Variants in TNKS observed in about 807,000 individuals in gnomAD.
TNKS encodes tankyrase, also known as poly [ADP-ribose] polymerase tankyrase-1.
In TNKS, 72 loss-of-function variants were observed where a neutral mutation model predicts 135.8. That is an observed-to-expected ratio of 0.53 (90% CI 0.44 to 0.64). The LOEUF is 0.64. TNKS is among the 30% of genes least tolerant of loss of function. TNKS has a pLI of 0.00. For missense variants in TNKS, 1,769 were observed against 1,674.0 expected, an observed-to-expected ratio of 1.06 and a Z score of -0.99; for synonymous variants, 849 against 649.3, an observed-to-expected ratio of 1.31 and a Z score of -4.68.
intron 2 of TNKS, among the ~76,000 whole-genome samples, chr8:9,598,804 TATA>T (rs1354002150): frequency 8.7e-6 from 1 of 115,334 alleles, no homozygotes; most frequent in Admixed American, 8.9e-5. Context: ...TATATATATA[TATA>T]TATATATATA....
chr8:9,751,418 T>C (rs1416627135), intron 18 of TNKS, among the ~76,000 whole-genome samples, 191 bp from the exon 19 acceptor site: 3 of 152,178 alleles, frequency 2.0e-5, no homozygotes, highest in Non-Finnish European at 4.4e-5. Flanking sequence ...ACATAGTTTC[T>C]CCAATTCTGT....
chr8:9,759,799 C>G (rs985054485), intron 20 of TNKS, among the ~76,000 whole-genome samples: 3 of 151,874 alleles, frequency 2.0e-5, no homozygotes, highest in African/African-American at 2.4e-5. Flanking sequence ...ACGGTGAAAC[C>G]CCATCTCTAC....
chr8:9,706,075 T>C (rs572563730), intron 6 of TNKS, 112 bp from the exon 7 acceptor site: 1 of 604,468 alleles, frequency 1.7e-6, no homozygotes, highest in Admixed American at 4.1e-5. Flanking sequence ...TAAATACTTT[T>C]AAATATTTTA....
rs192033466 is a variant in TNKS, at chr8:9,776,906, A to G, written c.*170A>G. 19 of 600,936 alleles carry G rather than the reference A, an allele frequency of 3.2e-5. No individual in the cohort carries two copies. The highest frequency in any genetic ancestry group is 3.1e-4 in the African/African-American group (17 of 54,196). 37.2% of individuals were successfully genotyped at this position (600,936 alleles called of 1,614,324 possible). A position where few individuals can be genotyped will look rare whatever the true frequency, so the allele number is the denominator to read the frequency against. ...GATGAATAGTATGAGTAACTGATAC[A>G]TACTCAACTGCTACTGTTCCCTTTG... On this transcript the variant is annotated 3_prime_UTR_variant, in exon 27 of 27. Transcript: ENST00000310430.
At chr8:9,679,895 T>A (rs1376949538) in intron 3 of TNKS, 56 bp from the exon 4 acceptor site, 35 of 1,422,190 alleles carry the variant, frequency 2.5e-5, no homozygotes, top group Non-Finnish European at 3.4e-5. Context: ...GCCTACTGCA[T>A]TTCTTAATCT....
intron 18 of TNKS, among the ~76,000 whole-genome samples, chr8:9,749,759 A>G (rs981041331): frequency 1.3e-5 from 2 of 152,122 alleles, no homozygotes; most frequent in Middle Eastern, 3.2e-3. Context: ...CTGGGATTAC[A>G]GGTGTGAACC....
chr8:9,654,468 A>G (rs1412027715), intron 3 of TNKS, among the ~76,000 whole-genome samples: 1 of 152,244 alleles, frequency 6.6e-6, no homozygotes, highest in Non-Finnish European at 1.5e-5. Flanking sequence ...TTCAGCATTA[A>G]TGTTTAAGTT....
Position 9,768,640 on chromosome 8 carries a change from C to T in TNKS, c.3741-1466C>T, listed in dbSNP as rs116431862. Reference sequence around the variant, plus strand: ...CATCTCCTGCCTCGGCAGCAACAGGCGAGCCCTGGGGCAGGAAGCAGAAGA... The same window carrying T: ...CATCTCCTGCCTCGGCAGCAACAGGTGAGCCCTGGGGCAGGAAGCAGAAGA... On this transcript the variant is annotated intron_variant, in intron 25 of 26. Coordinates refer to ENST00000310430, the MANE Select transcript of TNKS (RefSeq NM_003747.3). 3.9e-5 allele frequency among the ~76,000 whole-genome samples: 6 copies of T among 152,210 alleles called. 1 individual carries two copies. The highest frequency in any genetic ancestry group is 1.9e-4 in the East Asian group (1 of 5,190).
chr8:9,596,088 G>T (rs947831123), intron 2 of TNKS, among the ~76,000 whole-genome samples: 30 of 152,174 alleles, frequency 2.0e-4, no homozygotes, highest in Admixed American at 3.9e-4. Context: ...TCCAGTCTGG[G>T]TGACAGAGGG....
At chr8:9,688,293 G>A (rs1410189189) in intron 5 of TNKS, among the ~76,000 whole-genome samples, 1 of 152,126 alleles carries the variant, frequency 6.6e-6, no homozygotes, top group African/African-American at 2.4e-5. Context: ...GGCTTGTTTA[G>A]GTGCAAACAG....
In TNKS at chr8:9,641,376, G is replaced by C. The variant is rs1305517997; in HGVS notation, c.994+25699G>C. The stretch of plus-strand genomic sequence containing the variant: ...AGGCCTGCTAGGAAATTTCAAACTG[G>C]GTAATTGAGATATTTCCAAGTGATA... On this transcript the variant is annotated intron_variant, in intron 3 of 26. Transcript: ENST00000310430. Among the ~76,000 whole-genome samples, 2 of 143,696 alleles carry C rather than the reference G, an allele frequency of 1.4e-5. 1 individual carries two copies. The highest frequency in any genetic ancestry group is 3.0e-5 in the Non-Finnish European group (2 of 66,082). 94.3% of individuals were successfully genotyped at this position (143,696 alleles called of 152,430 possible).
chr8:9,772,836 T>G (rs1461242710), intron 26 of TNKS, among the ~76,000 whole-genome samples: 3 of 130,838 alleles, frequency 2.3e-5, no homozygotes, highest in Non-Finnish European at 3.2e-5. Context: ...TGTGTCTGTG[T>G]GTGTGTGTGT....
intron 2 of TNKS, among the ~76,000 whole-genome samples, chr8:9,590,538 C>T (rs1029647633): frequency 1.3e-5 from 2 of 152,184 alleles, no homozygotes; most frequent in Non-Finnish European, 1.5e-5. Flanking sequence ...TTAATATAAA[C>T]ACAGGAACCT....
intron 3 of TNKS, among the ~76,000 whole-genome samples, chr8:9,661,531 A>G (rs1399048806): frequency 3.3e-5 from 5 of 152,210 alleles, no homozygotes; most frequent in Admixed American, 1.3e-4. Context: ...GGCTAGCCGT[A>G]TGGAGAAAGC....
At chr8:9,687,133 G>A (rs975909457) in intron 5 of TNKS, among the ~76,000 whole-genome samples, 4 of 152,078 alleles carry the variant, frequency 2.6e-5, no homozygotes, top group Admixed American at 6.6e-5. Flanking sequence ...GCTCTCTATG[G>A]CCTATAGTGA....
intron 2 of TNKS, among the ~76,000 whole-genome samples, chr8:9,599,712 G>C (rs1240780103): frequency 6.6e-6 from 1 of 151,990 alleles, no homozygotes; most frequent in East Asian, 1.9e-4. Context: ...GGATAAAATT[G>C]ATCTGGGATA....
chr8:9,715,242 C>T (rs1161201963), intron 11 of TNKS, among the ~76,000 whole-genome samples: 2 of 152,000 alleles, frequency 1.3e-5, no homozygotes, highest in African/African-American at 4.8e-5. Flanking sequence ...CAGTTAGGGT[C>T]TTCGCAATAA....
In TNKS at chr8:9,603,994, C is replaced by G. The variant is rs971362507; in HGVS notation, c.899-11588C>G. ...AAGATGTTAATAATTGAAGAGGATT[C>G]TAAAAAGAAATAAAAAGAGGAAGTA... On this transcript the variant is annotated intron_variant, in intron 2 of 26. Transcript: ENST00000310430. Among the ~76,000 whole-genome samples the G allele has an allele frequency of 6.6e-5, 10 of 151,864 alleles. No homozygotes were observed. In the South Asian group the frequency reaches 2.1e-3, roughly 32 times the overall value.
At position 9,770,115 on chromosome 8, in the gene TNKS, C is replaced by G. The variant is rs373913930; in HGVS notation, c.3750C>G (p.Leu1250=). 20 of 1,609,170 alleles carry G rather than the reference C, an allele frequency of 1.2e-5. No individual in the cohort carries two copies. The East Asian group carries it at 3.6e-4, about 29-fold the overall frequency. Residue 1250 remains leucine (L), a synonymous_variant, in exon 26 of 27, where the codon CTC becomes CTG. Coordinates refer to ENST00000310430, the MANE Select transcript of TNKS (RefSeq NM_003747.3). The part of the protein sequence containing the change: ...RSCYICHRQM[L]FCRVTLGKSF... Reference sequence around the variant, plus strand: ...TTTTCTTTTTCCTTAGACAAATGCTCTTCTGTAGAGTGACCCTTGGGAAAT... The same window carrying G: ...TTTTCTTTTTCCTTAGACAAATGCTGTTCTGTAGAGTGACCCTTGGGAAAT...
Sources: gnomAD v4.1 joint callset for allele counts (sites outside exome capture counted in the v4.1 genomes callset) on GRCh38, gnomAD v4.1.1 for gene constraint, MANE v1.5 for transcripts, NCBI Gene and HGNC (gene_info 2026-07-23, HGNC 2026-07-21) for gene names.